GBP3: variants seen among roughly 807,000 people sequenced by gnomAD.
The protein encoded by GBP3 is guanylate binding protein 3, also known as guanylate-binding protein 3.
GBP3 carries 55 observed loss-of-function variants against 62.4 expected under a neutral mutation model. That is an observed-to-expected ratio of 0.88 (90% confidence interval 0.71 to 1.10). The LOEUF (loss-of-function observed/expected upper bound fraction) is 1.10, where lower values mean the gene tolerates loss of function less well. Among genes scored for constraint, GBP3 ranks in the 50% least tolerant of loss-of-function variants. The probability of loss-of-function intolerance (pLI) is 0.00; values close to 1 mark genes in which losing one functional copy is unlikely to be tolerated. For synonymous variants in GBP3, 208 were observed against 259.2 expected (o/e 0.80, Z 1.90); for missense variants, 605 against 690.6 (o/e 0.88, Z 1.39).
chr1:89,018,759 T>A (rs1679018103), intron 2 of GBP3, among the ~76,000 whole-genome samples: 2 of 151,906 alleles, frequency 1.3e-5, no homozygotes, highest in African/African-American at 4.8e-5. Flanking sequence ...TCACTAACCT[T>A]CCCCCACCCT....
intron 5 of GBP3, 150 bp downstream of exon 5, chr1:89,013,933 T>C: frequency 1.3e-6 from 1 of 795,104 alleles, no homozygotes. Flanking sequence ...AAAAACCTTT[T>C]CTATTGCTAA....
chr1:89,013,424 G>A lies in GBP3; in HGVS notation c.629C>T (p.Thr210Ile). The change falls in exon 6 of 11, where the codon ACC becomes ATC. Residue 210 changes from threonine to isoleucine, a missense_variant. Physicochemically the swap from Thr to Ile is moderately conservative, Grantham distance 89. Coordinates refer to ENST00000370481, the MANE Select transcript of GBP3 (RefSeq NM_018284.3). ...ATTAAAATTTTTATCTTTTTGACTG[G>A]TACCTAGAGAAACATAATAAAGAAA... ...LEYSLKLTQG[T>I]SQKDKNFNLP... is the part of the protein sequence containing the mutation. 6.2e-7 allele frequency: 1 copy of A among 1,604,078 alleles called. No individual in the cohort carries two copies. The highest frequency in any genetic ancestry group is 1.3e-5 in the African/African-American group (1 of 74,076).
In GBP3 at chr1:89,020,559, T is replaced by A; in HGVS notation, c.163A>T (p.Met55Leu). ...GLYRTGKSYL[M>L]NKLAGKNKGF... ...TTATTCTTCCCAGCTAGCTTGTTCA[T>A]CAGGTAGGATTTTCCTGTGCGGTAG... Residue 55 changes from methionine (M) to leucine (L), a missense_variant, in exon 2 of 11, where the codon ATG becomes TTG. Met to Leu is a conservative substitution (Grantham distance 15). This residue lies in a region of GBP3 where 308 missense variants were observed against 318.0 expected (regional missense o/e 0.97). Coordinates refer to ENST00000370481, the MANE Select transcript of GBP3 (RefSeq NM_018284.3). 1 of 1,614,156 alleles carries A rather than the reference T, an allele frequency of 6.2e-7. No individual in the cohort carries two copies. Among genetic ancestry groups the A allele is most frequent in the Non-Finnish European group, 8.5e-7 (1 of 1,180,006 alleles).
chr1:89,007,752 C>T lies in GBP3; in HGVS notation c.1760G>A (p.Arg587Lys). The change falls in exon 11 of 11, where the codon AGA (arginine) becomes AAA (lysine). Residue 587 changes from arginine (R) to lysine (K), a missense_variant. Arg to Lys is a conservative substitution (Grantham distance 26). Around this residue, in one of 3 missense-constraint regions of GBP3, gnomAD observed 160 missense variants for 147.8 expected, o/e 1.08. Transcript: ENST00000370481. ...LQKTLKKKTK[R>K]YMSHKLKI is the part of the protein sequence containing the mutation. ...GATCTTTAGCTTATGCGACATATAT[C>T]TCTTGGTTTTTTTTTTCAGGGTCTT... is the stretch of plus-strand genomic sequence containing the variant. The T allele has an allele frequency of 1.9e-6, 3 of 1,612,462 alleles. No individual in the cohort carries two copies. The highest frequency in any genetic ancestry group is 2.5e-6 in the Non-Finnish European group (3 of 1,179,300).
intron 1 of GBP3, among the ~76,000 whole-genome samples, chr1:89,021,841 G>GAGAGGGAGATGTCAGA (rs1557735074): frequency 7.1e-6 from 1 of 140,598 alleles, no homozygotes; most frequent in Non-Finnish European, 1.6e-5. Context: ...GAAAGTGCCA[G>GAGAGGGAGATGTCAGA]CAAGGGAGAT....
At chr1:89,007,911 A>G in intron 10 of GBP3, 59 bp from the exon 11 acceptor site, 1 of 1,503,216 alleles carries the variant, frequency 6.7e-7, no homozygotes, top group Non-Finnish European at 9.0e-7. Flanking sequence ...TCTGTAAGCT[A>G]TCTAGTTTCC....
At chr1:89,015,744 T>TA (rs58886103) in intron 2 of GBP3, among the ~76,000 whole-genome samples, 23,949 of 85,966 alleles carry the variant, frequency 0.28, 4,106 homozygotes, top group East Asian at 0.41. Flanking sequence ...ACTCTTGTCT[T>TA]AAAAAAAAAA....
chr1:89,021,829 G>GCC (rs1557735029), intron 1 of GBP3, among the ~76,000 whole-genome samples: 22 of 147,654 alleles, frequency 1.5e-4, no homozygotes, highest in East Asian at 6.0e-4. Flanking sequence ...GAGAGAGAGA[G>GCC]AGAAAGTGCC....
Position 89,011,748 on chromosome 1 carries a change from G to A in GBP3, c.1148C>T (p.Ala383Val), listed in dbSNP as rs201888444. The stretch of plus-strand genomic sequence containing the variant: ...ATGTAAATGTGATAGAAAAATTACC[G>A]CTAATTTCTTTTGAAACAGATGGTC... ...DVDHLFQKKL[A>V]AQLDKKRDDF... Residue 383 changes from alanine (A) to valine (V), a missense_variant and splice_region_variant, in exon 7 of 11, where the codon GCG becomes GTG. By Grantham distance (64) the Ala-to-Val change is moderately conservative. Coordinates refer to ENST00000370481, the MANE Select transcript of GBP3 (RefSeq NM_018284.3). The A allele has an allele frequency of 2.9e-5, 43 of 1,461,450 alleles. 6 individuals carry two copies. The highest frequency in any genetic ancestry group is 3.8e-5 in the Non-Finnish European group (40 of 1,054,778). The allele number at this position is 1,461,450 out of a possible 1,614,324, so 90.5% of individuals were successfully genotyped here. A position where few individuals can be genotyped will look rare whatever the true frequency, so the allele number is the denominator to read the frequency against.
chr1:89,007,205 T>C lies in GBP3; in HGVS notation c.*519A>G, dbSNP rs1678264531. On this transcript the variant is annotated 3_prime_UTR_variant, in exon 11 of 11. Transcript: ENST00000370481. ...GATTTCTTTACCTTCCTATGGAAAA[T>C]ATAAGATTCTAGATCTCTGTATAAG... The C allele has an allele frequency of 6.6e-6, 1 of 152,246 alleles. No individual in the cohort carries two copies. Among genetic ancestry groups the C allele is most frequent in the Non-Finnish European group, 1.5e-5 (1 of 68,054 alleles). The allele number at this position is 152,246 out of a possible 1,614,324, so 9.4% of individuals were successfully genotyped here. A position where few individuals can be genotyped will look rare whatever the true frequency, so the allele number is the denominator to read the frequency against.
At chr1:89,014,368 T>C (rs1283925983) in intron 4 of GBP3, 89 bp from the exon 5 acceptor site, 1 of 1,602,674 alleles carries the variant, frequency 6.2e-7, no homozygotes, top group Admixed American at 1.7e-5. Context: ...CCATTTTCCT[T>C]TGATCCTAAC....
rs1678675040 is a variant in GBP3 at position 89,013,241 on chromosome 1, A to G, written c.812T>C (p.Ile271Thr). The change falls in exon 6 of 11, where the codon ATC (isoleucine) becomes ACC (threonine). Residue 271 changes from isoleucine to threonine, a missense_variant. Transcript: ENST00000370481. ...VQQVADFCSYIFSNSKTKTLS... is the reference protein window; with the variant it reads ...VQQVADFCSYTFSNSKTKTLS... ...AGTTTTAGTTTTGGAATTGCTAAAG[A>G]TGTAGGAACAGAAGTCTGCTACTTG... is the stretch of plus-strand genomic sequence containing the variant. 1.2e-6 allele frequency: 2 copies of G among 1,614,070 alleles called. No individual in the cohort carries two copies. The highest frequency in any genetic ancestry group is 1.3e-5 in the African/African-American group (1 of 74,926).
At chr1:89,021,544 A>ACACACACACACACACCCCCC (rs761151308) in intron 1 of GBP3, among the ~76,000 whole-genome samples, 1 of 140,948 alleles carries the variant, frequency 7.1e-6, no homozygotes, top group East Asian at 2.1e-4. Flanking sequence ...ACACACACAC[A>ACACACACACACACACCCCCC]CCCCAAAAAA....
rs56152146 is a variant in GBP3 at position 89,021,838 on chromosome 1, C to T, written c.-23+846G>A. On this transcript the variant is annotated intron_variant, in intron 1 of 10. Coordinates refer to ENST00000370481, the MANE Select transcript of GBP3 (RefSeq NM_018284.3). ...GAGAGAGAGAGAGAGAGAGAAAGTGCCAGCAAGGGAGATGTCAGACAAGGT... is the reference window on the plus strand; with the variant it reads ...GAGAGAGAGAGAGAGAGAGAAAGTGTCAGCAAGGGAGATGTCAGACAAGGT... Among the ~76,000 whole-genome samples the T allele has an allele frequency of 2.3e-3, 157 of 68,948 alleles. 1 individual carries two copies. Among genetic ancestry groups the T allele is most frequent in the South Asian group, 3.1e-3 (6 of 1,920 alleles). 45.2% of individuals were successfully genotyped at this position (68,948 alleles called of 152,430 possible).
intron 1 of GBP3, among the ~76,000 whole-genome samples, chr1:89,021,823 G>GCA (rs1160958914): frequency 5.7e-5 from 7 of 123,260 alleles, no homozygotes; most frequent in Admixed American, 5.1e-4. Context: ...GAGAGAGAGA[G>GCA]AGAGAGAGAA....
chr1:89,012,965 G>A (rs1191258570), intron 6 of GBP3, among the ~76,000 whole-genome samples: 1 of 151,068 alleles, frequency 6.6e-6, no homozygotes, highest in Non-Finnish European at 1.5e-5. Flanking sequence ...AGCCTCCCAA[G>A]TAGCTGGGAT....
chr1:89,010,795 T>A, intron 8 of GBP3, 109 bp downstream of exon 8: 1 of 1,315,716 alleles, frequency 7.6e-7, no homozygotes. Flanking sequence ...AAAGCATGAA[T>A]GTTATACAGA....
rs1157272565 is a variant in GBP3, at chr1:89,010,208, G to A, written c.1362+696C>T. ...GTGATCTTGGCACACTGCAACCTCCGCCTCCTGGGTTCAAGTGATTCTCCT... is the reference window on the plus strand; with the variant it reads ...GTGATCTTGGCACACTGCAACCTCCACCTCCTGGGTTCAAGTGATTCTCCT... On this transcript the variant is annotated intron_variant, in intron 8 of 10. Transcript: ENST00000370481. 6.7e-5 allele frequency among the ~76,000 whole-genome samples: 10 copies of A among 149,428 alleles called. No homozygotes were observed. In the South Asian group the frequency reaches 8.5e-4, roughly 13 times the overall value.
Position 89,009,079 on chromosome 1 carries a change from T to C in GBP3, c.1527A>G (p.Ile509Met), listed in dbSNP as rs1042219166. 6.2e-7 allele frequency: 1 copy of C among 1,614,096 alleles called. No individual in the cohort carries two copies. The highest frequency in any genetic ancestry group is 8.5e-7 in the Non-Finnish European group (1 of 1,180,018). The change falls in exon 10 of 11, where the codon ATA becomes ATG. Residue 509 changes from isoleucine (I) to methionine (M), a missense_variant. Ile to Met is a conservative substitution (Grantham distance 10). Transcript: ENST00000370481. ...TCTCTTCCATCATCTGCTGATACTT[T>C]ATTTGCATTTCCTCCACCATTTTTG... ...ASAKMVEEMQ[I>M]KYQQMMEEKE...
Sources: allele counts gnomAD v4.1 joint callset (sites outside exome capture counted in the v4.1 genomes callset), GRCh38; gene constraint gnomAD v4.1.1; regional missense constraint gnomAD v4.1.1; transcripts MANE v1.5; gene names NCBI Gene and HGNC (gene_info 2026-07-23, HGNC 2026-07-21).